ZSWIM5: variants seen among roughly 807,000 people sequenced by gnomAD.
ZSWIM5 encodes the protein zinc finger SWIM-type containing 5, also known as zinc finger SWIM domain-containing protein 5.
In ZSWIM5, 55 loss-of-function variants were observed where a neutral mutation model predicts 119.6. That is an observed-to-expected ratio of 0.46 (90% confidence interval 0.37 to 0.58). The LOEUF (loss-of-function observed/expected upper bound fraction) is 0.58. ZSWIM5 is among the 20% of genes least tolerant of loss of function. The pLI is 0.00. For synonymous variants in ZSWIM5, 537 were observed against 606.9 expected (o/e 0.88, Z 1.69); for missense variants, 1,193 against 1,512.8 (o/e 0.79, Z 3.51).
intron 7 of ZSWIM5, 99 bp from the exon 8 acceptor site, chr1:45,039,172 A>G: frequency 7.1e-7 from 1 of 1,408,670 alleles, no homozygotes; most frequent in Non-Finnish European, 9.7e-7. Flanking sequence ...CTTGACCCTG[A>G]GAGTCAAATA....
intron 1 of ZSWIM5, among the ~76,000 whole-genome samples, chr1:45,100,789 A>C (rs1457160609): frequency 6.6e-6 from 1 of 152,240 alleles, no homozygotes; most frequent in Non-Finnish European, 1.5e-5. Flanking sequence ...GACAAAAACA[A>C]GAAATGGGGA....
At chr1:45,197,192 C>T (rs909400807) in intron 1 of ZSWIM5, among the ~76,000 whole-genome samples, 4 of 152,220 alleles carry the variant, frequency 2.6e-5, no homozygotes, top group African/African-American at 9.6e-5. Context: ...CCCTTGTTCT[C>T]TGGAATGCAC....
intron 1 of ZSWIM5, among the ~76,000 whole-genome samples, chr1:45,111,965 G>A (rs1645521053): frequency 6.6e-6 from 1 of 152,144 alleles, no homozygotes; most frequent in Admixed American, 6.6e-5. Flanking sequence ...AATTGCACAT[G>A]CTGGAGTCAT....
At chr1:45,039,349 G>A (rs1645005206) in intron 7 of ZSWIM5, among the ~76,000 whole-genome samples, 1 of 152,100 alleles carries the variant, frequency 6.6e-6, no homozygotes, top group African/African-American at 2.4e-5. Flanking sequence ...TGAATAGTTG[G>A]GACTACAGGC....
At chr1:45,036,757 A>G (rs1644987352) in intron 8 of ZSWIM5, among the ~76,000 whole-genome samples, 1 of 152,112 alleles carries the variant, frequency 6.6e-6, no homozygotes, top group African/African-American at 2.4e-5. Context: ...AATATACTGA[A>G]AAAAAGGTTA....
At chr1:45,043,129 T>C (rs917932447) in intron 6 of ZSWIM5, 90 bp downstream of exon 6, 100 of 1,298,606 alleles carry the variant, frequency 7.7e-5, no homozygotes, top group Middle Eastern at 2.7e-4. Flanking sequence ...AAATTGTAGT[T>C]TGAGTTGCAG....
In ZSWIM5 at chr1:45,038,979, A is replaced by G. The variant is rs1383034424; in HGVS notation, c.1851T>C (p.Thr617=). The G allele has an allele frequency of 9.3e-6, 15 of 1,613,996 alleles. No homozygotes were observed. The highest frequency in any genetic ancestry group is 1.7e-5 in the Admixed American group (1 of 60,000). ...CATCATCATTCAGGCGGCAGGCCTC[A>G]GTCAAAGTGAGAAACAGGCAGTCGA... ...DPIDCLFLTL[T]EACRLNDDGY... is the part of the protein sequence containing the mutation. Residue 617 remains threonine (T), a synonymous_variant, in exon 8 of 14, where the codon ACT becomes ACC. Coordinates refer to ENST00000359600, the MANE Select transcript of ZSWIM5 (RefSeq NM_020883.2).
chr1:45,102,776 A>G (rs1423188046), intron 1 of ZSWIM5, among the ~76,000 whole-genome samples: 1 of 152,240 alleles, frequency 6.6e-6, no homozygotes, highest in African/African-American at 2.4e-5. Flanking sequence ...TGAGCAAAGT[A>G]ACAATAATTT....
At chr1:45,178,596 C>A (rs1645995247) in intron 1 of ZSWIM5, among the ~76,000 whole-genome samples, 1 of 151,986 alleles carries the variant, frequency 6.6e-6, no homozygotes, top group African/African-American at 2.4e-5. Flanking sequence ...GACCATTTTT[C>A]TGTATTTAGT....
At chr1:45,080,016 C>T (rs553585550) in intron 2 of ZSWIM5, among the ~76,000 whole-genome samples, 4 of 152,286 alleles carry the variant, frequency 2.6e-5, no homozygotes, top group African/African-American at 7.2e-5. Flanking sequence ...AAACTCATCC[C>T]CACTCTTCCC....
At position 45,081,779 on chromosome 1, in the gene ZSWIM5, G is replaced by A. The variant is rs1645293347; in HGVS notation, c.952+6102C>T. 2.6e-5 allele frequency among the ~76,000 whole-genome samples: 4 copies of A among 152,246 alleles called. No homozygotes were observed. The South Asian group carries it at 8.3e-4, about 32-fold the overall frequency. ...GTCTCTGCCTGGCCACCCATCGTCT[G>A]GAAAGTGAGGAGCCCCTCTGCCCGG... On this transcript the variant is annotated intron_variant, in intron 2 of 13. Transcript: ENST00000359600.
intron 5 of ZSWIM5, among the ~76,000 whole-genome samples, chr1:45,045,605 C>G (rs1378317210): frequency 6.6e-6 from 1 of 152,150 alleles, no homozygotes; most frequent in Non-Finnish European, 1.5e-5. Context: ...CACAATGACT[C>G]TTCTACTGGC....
intron 1 of ZSWIM5, among the ~76,000 whole-genome samples, chr1:45,130,805 T>A (rs1391840384): frequency 6.6e-6 from 1 of 152,206 alleles, no homozygotes; most frequent in Non-Finnish European, 1.5e-5. Context: ...TAATTCATAT[T>A]CAGCTAAAAA....
intron 5 of ZSWIM5, among the ~76,000 whole-genome samples, chr1:45,048,180 C>T (rs1225568566): frequency 6.7e-6 from 1 of 148,920 alleles, no homozygotes; most frequent in East Asian, 2.0e-4. Context: ...ACCTCCTGGG[C>T]TCAAGCAATC....
intron 4 of ZSWIM5, among the ~76,000 whole-genome samples, chr1:45,051,747 GT>G (rs1645089533): frequency 1.3e-5 from 2 of 152,072 alleles, no homozygotes; most frequent in Admixed American, 1.3e-4. Flanking sequence ...GTCAGAAAAG[GT>G]TTTATTTTTT....
chr1:45,168,588 C>A (rs1645925136), intron 1 of ZSWIM5, among the ~76,000 whole-genome samples: 2 of 148,576 alleles, frequency 1.3e-5, no homozygotes, highest in South Asian at 2.1e-4. Flanking sequence ...TCGCTTGAAC[C>A]CAGAAGACAG....
intron 1 of ZSWIM5, among the ~76,000 whole-genome samples, chr1:45,182,385 C>T (rs1484062170): frequency 6.9e-6 from 1 of 145,150 alleles, no homozygotes; most frequent in Non-Finnish European, 1.5e-5. Context: ...GCCTGGGCGA[C>T]AGAACGAGAC....
intron 1 of ZSWIM5, among the ~76,000 whole-genome samples, chr1:45,201,386 C>A (rs1646157430): frequency 6.6e-6 from 1 of 152,144 alleles, no homozygotes; most frequent in Non-Finnish European, 1.5e-5. Context: ...TACATTATAT[C>A]AATGCATTGA....
At chr1:45,094,735 C>T (rs1220345207) in intron 1 of ZSWIM5, among the ~76,000 whole-genome samples, 2 of 151,920 alleles carry the variant, frequency 1.3e-5, no homozygotes, top group East Asian at 1.9e-4. Flanking sequence ...TGGTGGTGCA[C>T]GCCTATAGTC....
Sources: allele counts gnomAD v4.1 joint callset (sites outside exome capture counted in the v4.1 genomes callset), GRCh38; gene constraint gnomAD v4.1.1; transcripts MANE v1.5; gene names NCBI Gene and HGNC (gene_info 2026-07-23, HGNC 2026-07-21).